The following EPB41L4A variants were observed in gnomAD, a reference collection of about 807,000 sequenced individuals.
EPB41L4A encodes the protein erythrocyte membrane protein band 4.1 like 4A, also known as band 4.1-like protein 4A.
A neutral mutation model predicts 108.6 loss-of-function variants in EPB41L4A; 100 were observed. The observed-to-expected ratio is 0.92, with a 90% CI of 0.78 to 1.09. The LOEUF is 1.09. Ranked by LOEUF, EPB41L4A falls within the 50% of genes least tolerant of loss-of-function variation. The pLI is 0.00. For missense variants in EPB41L4A, 1,030 were observed against 842.7 expected (o/e 1.22, Z -2.75); for synonymous variants, 319 against 289.0 (o/e 1.10, Z -1.05).
chr5:112,188,329 C>G (rs1761525007), intron 17 of EPB41L4A, among the ~76,000 whole-genome samples: 2 of 152,100 alleles, frequency 1.3e-5, no homozygotes, highest in African/African-American at 4.8e-5. Context: ...TTCCCATTGT[C>G]TCTACCATCA....
At chr5:112,347,564 G>A (rs1168014500) in intron 1 of EPB41L4A, among the ~76,000 whole-genome samples, 1 of 152,158 alleles carries the variant, frequency 6.6e-6, no homozygotes, top group Non-Finnish European at 1.5e-5. Flanking sequence ...CACGGTTGCT[G>A]AGTTTGTATG....
intron 1 of EPB41L4A, among the ~76,000 whole-genome samples, chr5:112,332,854 AAAT>A (rs1252899632): frequency 1.1e-4 from 16 of 152,192 alleles, no homozygotes; most frequent in Non-Finnish European, 2.9e-5. Context: ...GGCTATTTAT[AAAT>A]AGTAAAAGGC....
rs552428109 is a variant in EPB41L4A, at chr5:112,314,505, TAAAAAAAAAA to T, written c.100-7025_100-7016del. On this transcript the variant is annotated intron_variant, in intron 1 of 22. Coordinates refer to ENST00000261486, the MANE Select transcript of EPB41L4A (RefSeq NM_022140.5). Reference sequence around the variant, plus strand: ...CAACAATGTGAAACCCCATCGCTACTAAAAAAAAAAAAAAAAAAAAAAAAAAAAAAAAAGA... The same window carrying T: ...CAACAATGTGAAACCCCATCGCTACTAAAAAAAAAAAAAAAAAAAAAAAGA... 4.2e-4 allele frequency among the ~76,000 whole-genome samples: 23 copies of T among 55,188 alleles called. No individual in the cohort carries two copies. The East Asian group carries it at 5.7e-3, about 14-fold the overall frequency. 36.2% of individuals were successfully genotyped at this position (55,188 alleles called of 152,430 possible).
chr5:112,393,706 T>C (rs77735038), intron 1 of EPB41L4A, among the ~76,000 whole-genome samples: 2 of 152,126 alleles, frequency 1.3e-5, no homozygotes, highest in East Asian at 1.9e-4. Context: ...TTCCAATCAA[T>C]AGAAAAAGAG....
chr5:112,159,813 C>T (rs7731129), downstream of EPB41L4A, among the ~76,000 whole-genome samples: 16,544 of 151,656 alleles, frequency 0.11, 1,055 homozygotes, highest in South Asian at 0.15. Flanking sequence ...AAAGAAATAT[C>T]TTATTAATAA....
At chr5:112,254,731 A>T (rs892246488) in intron 9 of EPB41L4A, among the ~76,000 whole-genome samples, 3 of 151,962 alleles carry the variant, frequency 2.0e-5, no homozygotes, top group African/African-American at 7.3e-5. Context: ...AATTCTCATG[A>T]TGCTCCTTAT....
At chr5:112,405,058 C>G (rs2112774661) in intron 1 of EPB41L4A, among the ~76,000 whole-genome samples, 1 of 152,342 alleles carries the variant, frequency 6.6e-6, no homozygotes, top group South Asian at 2.1e-4. Flanking sequence ...AGTCCTCTCT[C>G]ACACGAGTGG....
At chr5:112,319,734 A>C (rs1755650032) in intron 1 of EPB41L4A, among the ~76,000 whole-genome samples, 1 of 152,244 alleles carries the variant, frequency 6.6e-6, no homozygotes, top group Non-Finnish European at 1.5e-5. Context: ...AAAACATAAG[A>C]AAATGCAATA....
intron 11 of EPB41L4A, among the ~76,000 whole-genome samples, chr5:112,236,993 G>A (rs887601366): frequency 6.6e-6 from 1 of 152,178 alleles, no homozygotes; most frequent in Non-Finnish European, 1.5e-5. Context: ...GACAGCTCCT[G>A]TGAGTTGAGT....
chr5:112,393,984 A>G (rs1199521102), intron 1 of EPB41L4A, among the ~76,000 whole-genome samples: 7 of 152,218 alleles, frequency 4.6e-5, no homozygotes, highest in African/African-American at 1.7e-4. Context: ...ACCAAAGACA[A>G]AAATCACATG....
intron 12 of EPB41L4A, chr5:112,146,057 G>A (rs1409982980): frequency 1.6e-5 from 7 of 450,566 alleles, no homozygotes; most frequent in Non-Finnish European, 2.7e-5. Flanking sequence ...TTCTCATGAA[G>A]TAGGTGCTAC....
At chr5:112,168,597 G>A (rs747527138) in intron 22 of EPB41L4A, 142 bp downstream of exon 22, 197 of 649,066 alleles carry the variant, frequency 3.0e-4, no homozygotes, top group African/African-American at 7.7e-4. Context: ...ATTTCTCCAC[G>A]TTCTTTTAAA....
intron 4 of EPB41L4A, among the ~76,000 whole-genome samples, chr5:112,272,420 C>T (rs919034057): frequency 2.6e-5 from 4 of 151,518 alleles, no homozygotes; most frequent in Non-Finnish European, 2.9e-5. Context: ...GGATTACAAG[C>T]GTGAGCCACT....
intron 1 of EPB41L4A, among the ~76,000 whole-genome samples, chr5:112,373,476 A>G (rs1759622984): frequency 6.6e-6 from 1 of 152,258 alleles, no homozygotes; most frequent in African/African-American, 2.4e-5. Flanking sequence ...TACAGAAACC[A>G]GCAACCACCT....
intron 12 of EPB41L4A, among the ~76,000 whole-genome samples, chr5:112,212,541 C>G (rs535085390): frequency 6.6e-6 from 1 of 152,258 alleles, no homozygotes; most frequent in East Asian, 1.9e-4. Context: ...GTGATCCACC[C>G]ACCTTGGCCT....
intron 1 of EPB41L4A, among the ~76,000 whole-genome samples, chr5:112,395,081 T>C (rs1474231066): frequency 6.6e-6 from 1 of 152,190 alleles, no homozygotes; most frequent in Admixed American, 6.5e-5. Flanking sequence ...TTACACCTTA[T>C]ACAAAAATTA....
chr5:112,191,819 A>C (rs1299892317), intron 17 of EPB41L4A, among the ~76,000 whole-genome samples: 6 of 152,318 alleles, frequency 3.9e-5, no homozygotes, highest in African/African-American at 1.4e-4. Flanking sequence ...TCTAAAAAGC[A>C]AATTTGCCCG....
At chr5:112,161,883 G>C, downstream of EPB41L4A, 1 of 250,100 alleles carries the variant, frequency 4.0e-6, no homozygotes, top group Non-Finnish European at 8.1e-6. Context: ...TCGTAGTGTT[G>C]CTCTGTCTGT....
intron 13 of EPB41L4A, 114 bp downstream of exon 13, chr5:112,209,778 G>A (rs1008172761): frequency 6.6e-6 from 4 of 602,808 alleles, no homozygotes; most frequent in Admixed American, 3.2e-5. Context: ...GGATCCCATG[G>A]ATCAAAAGTA....
Sources: allele counts gnomAD v4.1 joint callset (sites outside exome capture counted in the v4.1 genomes callset), GRCh38; gene constraint gnomAD v4.1.1; transcripts MANE v1.5; gene names NCBI Gene and HGNC (gene_info 2026-07-23, HGNC 2026-07-21).